The following PLEKHA7 variants were observed in gnomAD, a reference collection of about 807,000 sequenced individuals.
The protein encoded by PLEKHA7 is pleckstrin homology domain containing A7, also known as pleckstrin homology domain-containing family A member 7.
A neutral mutation model predicts 170.0 loss-of-function variants in PLEKHA7; 104 were observed. The ratio of observed to expected loss-of-function variants is 0.61; its 90% CI spans 0.52 to 0.72. PLEKHA7 has a LOEUF of 0.72. PLEKHA7 is among the 30% of genes least tolerant of loss of function. The pLI, the probability that PLEKHA7 is intolerant of heterozygous loss-of-function variation, is 0.00. For synonymous variants in PLEKHA7, 648 were observed against 660.8 expected (o/e 0.98, Z 0.30); for missense variants, 1,615 against 1,671.7 (o/e 0.97, Z 0.59).
chr11:16,786,222 C>G lies in PLEKHA7; in HGVS notation c.3516+7G>C, dbSNP rs761320359. The G allele has an allele frequency of 1.3e-6, 2 of 1,535,984 alleles. No homozygotes were observed. The highest frequency in any genetic ancestry group is 1.7e-6 in the Non-Finnish European group (2 of 1,146,808). On this transcript the variant is annotated splice_region_variant and intron_variant, in intron 24 of 26. Coordinates refer to ENST00000531066, the MANE Select transcript of PLEKHA7 (RefSeq NM_001329630.2). ...CTGGAGGACATGAAGGAAGTGCCTG[C>G]CCTCACCTCTCTGCTGATGTCCAAG...
chr11:16,932,063 C>A (rs549496588), intron 3 of PLEKHA7, among the ~76,000 whole-genome samples: 1 of 152,122 alleles, frequency 6.6e-6, no homozygotes, highest in Admixed American at 6.6e-5. Flanking sequence ...ACTCCATGAA[C>A]TCTCATAGAT....
chr11:16,846,868 A>G (rs542208008), intron 8 of PLEKHA7, among the ~76,000 whole-genome samples: 15 of 152,292 alleles, frequency 9.8e-5, no homozygotes, highest in African/African-American at 3.6e-4. Context: ...GACTAGCAGA[A>G]CTAGCTGATA....
At chr11:16,846,324 AGAG>A (rs1244597962) in intron 8 of PLEKHA7, among the ~76,000 whole-genome samples, 1 of 151,448 alleles carries the variant, frequency 6.6e-6, no homozygotes, top group Non-Finnish European at 1.5e-5. Context: ...AAGGGAGAAA[AGAG>A]AAGAGAAGAG....
In PLEKHA7 at chr11:16,789,083, C is replaced by G; in HGVS notation, c.3357+13G>C. 1 of 1,599,350 alleles carries G rather than the reference C, an allele frequency of 6.3e-7. No homozygotes were observed. The highest frequency in any genetic ancestry group is 1.1e-5 in the South Asian group (1 of 90,846). Reference sequence around the variant, plus strand: ...CCTGTCCCTGCCCCGCTGCCTGGCCCCTCCTAACATACTGAGCCAAGATCT... The same window carrying G: ...CCTGTCCCTGCCCCGCTGCCTGGCCGCTCCTAACATACTGAGCCAAGATCT... On this transcript the variant is annotated intron_variant, in intron 23 of 26. Coordinates refer to ENST00000531066, the MANE Select transcript of PLEKHA7 (RefSeq NM_001329630.2). This position sits in a 1 kb window ranked among gnomAD's most constrained non-coding sequence, Gnocchi z 4.6.
chr11:16,878,689 AGGTTCAAGGC>A (rs1260367075), intron 3 of PLEKHA7, among the ~76,000 whole-genome samples: 3 of 152,156 alleles, frequency 2.0e-5, no homozygotes, highest in African/African-American at 7.2e-5. Flanking sequence ...TCCGCCTCCC[AGGTTCAAGGC>A]GATTCTCCCT....
Position 16,789,345 on chromosome 11 carries a change from CACGCAGAGG to C in PLEKHA7, c.3157-58_3157-50del. 1 of 1,579,040 alleles carries C rather than the reference CACGCAGAGG, an allele frequency of 6.3e-7. No individual in the cohort carries two copies. The highest frequency in any genetic ancestry group is 8.7e-7 in the Non-Finnish European group (1 of 1,154,404). ...AGAGACACAGAACAGCTGGGCTGGG[CACGCAGAGG>C]ACAGCCACCCTGCTGGCTGCATTCC... On this transcript the variant is annotated intron_variant, in intron 22 of 26. Transcript: ENST00000531066. The surrounding 1 kb of genome is among the most constrained non-coding windows in gnomAD (Gnocchi z 4.6).
At chr11:16,788,321 G>T (rs1326650701) in intron 23 of PLEKHA7, 5 of 152,498 alleles carry the variant, frequency 3.3e-5, no homozygotes, top group African/African-American at 7.2e-5. Flanking sequence ...AGTAGCACAG[G>T]CCAGTTAGAG....
intron 13 of PLEKHA7, chr11:16,812,295 T>C (rs1319984344): frequency 6.6e-6 from 1 of 152,242 alleles, no homozygotes; most frequent in Non-Finnish European, 1.5e-5. Flanking sequence ...TGAGGCTGGA[T>C]GAAGATCCCC....
intron 9 of PLEKHA7, among the ~76,000 whole-genome samples, chr11:16,835,338 G>A (rs912134833): frequency 6.6e-6 from 1 of 152,172 alleles, no homozygotes; most frequent in Non-Finnish European, 1.5e-5. Flanking sequence ...ATAGGAAGAG[G>A]CTGGGGGAAG....
intron 3 of PLEKHA7, among the ~76,000 whole-genome samples, chr11:16,952,173 C>G (rs4756877): frequency 0.32 from 49,016 of 152,078 alleles, 8,456 homozygotes; most frequent in Non-Finnish European, 0.39. Context: ...AAGACATTTC[C>G]ATGCAACTCT....
intron 3 of PLEKHA7, among the ~76,000 whole-genome samples, chr11:16,981,320 C>G (rs1346472391): frequency 6.6e-6 from 1 of 152,018 alleles, no homozygotes; most frequent in Admixed American, 6.6e-5. Context: ...TAGTATTATC[C>G]CCAATTTACA....
intron 3 of PLEKHA7, among the ~76,000 whole-genome samples, chr11:16,962,452 T>A (rs939771162): frequency 6.6e-6 from 1 of 152,214 alleles, no homozygotes; most frequent in Non-Finnish European, 1.5e-5. Context: ...ACTCAAGTTC[T>A]GCCTGTAGCC....
At chr11:16,792,827 G>A (rs890937946) in intron 19 of PLEKHA7, among the ~76,000 whole-genome samples, 2 of 152,182 alleles carry the variant, frequency 1.3e-5, no homozygotes, top group Non-Finnish European at 2.9e-5. Context: ...AGGCTGGAGT[G>A]CAGTTGTGTA....
chr11:16,963,030 C>T (rs1318344355), intron 3 of PLEKHA7, among the ~76,000 whole-genome samples: 2 of 152,200 alleles, frequency 1.3e-5, no homozygotes, highest in African/African-American at 4.8e-5. Flanking sequence ...CCACTGCAAC[C>T]CTCTGGATTC....
intron 3 of PLEKHA7, among the ~76,000 whole-genome samples, chr11:16,899,354 G>A (rs922814798): frequency 1.1e-4 from 17 of 152,222 alleles, no homozygotes; most frequent in African/African-American, 2.9e-4. Context: ...AAAATTAGCC[G>A]GGCGTGGTGG....
chr11:16,938,803 AAAC>A (rs1401882649), intron 3 of PLEKHA7, among the ~76,000 whole-genome samples: 8 of 152,224 alleles, frequency 5.3e-5, no homozygotes, highest in East Asian at 1.9e-4. Flanking sequence ...TTCTTGTAAA[AAAC>A]AACAACAACA....
intron 3 of PLEKHA7, among the ~76,000 whole-genome samples, chr11:16,965,536 A>T (rs1862320460): frequency 6.6e-6 from 1 of 152,102 alleles, no homozygotes; most frequent in South Asian, 2.1e-4. Context: ...GGGAAGTGAG[A>T]GACAGGCATC....
chr11:16,844,108 A>G (rs1852194992), intron 8 of PLEKHA7, among the ~76,000 whole-genome samples: 1 of 152,128 alleles, frequency 6.6e-6, no homozygotes, highest in Admixed American at 6.5e-5. Flanking sequence ...ACAGGTGCCT[A>G]TCCCACTAGA....
Position 16,912,011 on chromosome 11 carries a change from A to G in PLEKHA7, c.222-40829T>C, listed in dbSNP as rs118161569. On this transcript the variant is annotated intron_variant, in intron 3 of 26. Coordinates refer to ENST00000531066, the MANE Select transcript of PLEKHA7 (RefSeq NM_001329630.2). ...CCCATCAAGCCAATCCCTCACATGA[A>G]AGCCCTGATGCAATGCTCTCATTTG... Among the ~76,000 whole-genome samples the G allele has an allele frequency of 5.2e-3, 789 of 152,298 alleles. 3 individuals carry two copies. The highest frequency in any genetic ancestry group is 7.9e-3 in the Non-Finnish European group (536 of 68,018).
Sources: allele counts gnomAD v4.1 joint callset (sites outside exome capture counted in the v4.1 genomes callset), GRCh38; gene constraint gnomAD v4.1.1; non-coding constraint Gnocchi (gnomAD v3.1); transcripts MANE v1.5; gene names NCBI Gene and HGNC (gene_info 2026-07-23, HGNC 2026-07-21).